The following DKK2 variants were observed in gnomAD, a reference collection of about 807,000 sequenced individuals.
DKK2 encodes dickkopf Wnt signaling pathway inhibitor 2, also known as dickkopf-related protein 2.
DKK2 carries 11 observed loss-of-function variants against 28.1 expected under a neutral mutation model. The observed-to-expected ratio is 0.39, with a 90% CI of 0.25 to 0.65. The LOEUF is 0.65. Among genes scored for constraint, DKK2 ranks in the 30% least tolerant of loss-of-function variants. The pLI is 0.47. For synonymous variants in DKK2, 135 were observed against 126.5 expected, an observed-to-expected ratio of 1.07 and a Z score of -0.45; for missense variants, 326 against 335.5, an observed-to-expected ratio of 0.97 and a Z score of 0.22.
chr4:106,924,505 C>T, intron 3 of DKK2, 40 bp downstream of exon 3: 1 of 1,581,274 alleles, frequency 6.3e-7, no homozygotes, highest in Non-Finnish European at 8.6e-7. Context: ...TCTTCTATTT[C>T]TTTATTTTAA....
At chr4:106,962,908 G>GA (rs961487177) in intron 1 of DKK2, among the ~76,000 whole-genome samples, 2 of 151,306 alleles carry the variant, frequency 1.3e-5, no homozygotes, top group South Asian at 2.1e-4. Flanking sequence ...CAACTCAATA[G>GA]AAAAAAAATA....
chr4:106,986,425 A>AAC (rs2110360191), intron 1 of DKK2, among the ~76,000 whole-genome samples: 1 of 152,350 alleles, frequency 6.6e-6, no homozygotes, highest in South Asian at 2.1e-4. Flanking sequence ...AGCAGAAGTT[A>AAC]AAAAGATATA....
chr4:107,027,751 T>C (rs1461391368), intron 1 of DKK2, among the ~76,000 whole-genome samples: 2 of 145,628 alleles, frequency 1.4e-5, no homozygotes, highest in African/African-American at 2.5e-5. Flanking sequence ...CCTCCACCTA[T>C]TATGATTTTT....
intron 1 of DKK2, among the ~76,000 whole-genome samples, chr4:106,957,052 A>G (rs1056702413): frequency 2.6e-5 from 4 of 151,866 alleles, no homozygotes; most frequent in African/African-American, 9.7e-5. Context: ...AAACAAATTT[A>G]CAAGAAAAAA....
chr4:106,957,070 AC>A (rs1263293672), intron 1 of DKK2, among the ~76,000 whole-genome samples: 5 of 151,938 alleles, frequency 3.3e-5, no homozygotes, highest in Admixed American at 6.6e-5. Flanking sequence ...AAAACAAACA[AC>A]CCCATCAAAA....
intron 1 of DKK2, among the ~76,000 whole-genome samples, chr4:107,032,411 T>C (rs1406388683): frequency 1.3e-5 from 2 of 152,102 alleles, no homozygotes; most frequent in Non-Finnish European, 2.9e-5. Context: ...ACAAGTAGAA[T>C]TCCTGTAAAT....
intron 1 of DKK2, among the ~76,000 whole-genome samples, chr4:107,032,792 C>T (rs1396803362): frequency 2.0e-5 from 3 of 152,116 alleles, no homozygotes; most frequent in Non-Finnish European, 4.4e-5. Context: ...GATTAGTTGA[C>T]ACATTAATTC....
chr4:106,938,782 C>G (rs928062850), intron 1 of DKK2, among the ~76,000 whole-genome samples: 6 of 151,744 alleles, frequency 4.0e-5, no homozygotes, highest in African/African-American at 1.5e-4. Flanking sequence ...TGGGCTTCAT[C>G]CCTGGGATGC....
intron 1 of DKK2, among the ~76,000 whole-genome samples, chr4:107,023,643 A>G (rs1479135324): frequency 6.6e-6 from 1 of 152,148 alleles, no homozygotes; most frequent in East Asian, 1.9e-4. Context: ...TATTAATAAT[A>G]ATGTATCAAC....
intron 1 of DKK2, among the ~76,000 whole-genome samples, chr4:106,965,722 T>A (rs1246777830): frequency 1.4e-5 from 2 of 146,660 alleles, no homozygotes; most frequent in Non-Finnish European, 3.0e-5. Flanking sequence ...ATTAGGTATA[T>A]CTCCCAATGC....
chr4:106,983,337 G>GAAGAAAGAAAGAGAGA (rs1723059991), intron 1 of DKK2, among the ~76,000 whole-genome samples: 1 of 120,432 alleles, frequency 8.3e-6, no homozygotes, highest in African/African-American at 3.2e-5. Context: ...AGGAAGAAAG[G>GAAGAAAGAAAGAGAGA]AAGAAAGAAA....
intron 1 of DKK2, among the ~76,000 whole-genome samples, chr4:106,983,057 AAAAG>A (rs932669981): frequency 1.1e-4 from 17 of 151,358 alleles, no homozygotes; most frequent in East Asian, 3.9e-4. Flanking sequence ...AAAGAAAGAG[AAAAG>A]AAAGAAAGAA....
intron 1 of DKK2, among the ~76,000 whole-genome samples, chr4:106,956,479 T>A (rs1011089712): frequency 6.6e-6 from 1 of 152,206 alleles, no homozygotes; most frequent in African/African-American, 2.4e-5. Flanking sequence ...GCTGGAGGCA[T>A]CACACTACCT....
At chr4:107,000,702 A>G (rs994092787) in intron 1 of DKK2, among the ~76,000 whole-genome samples, 31 of 152,218 alleles carry the variant, frequency 2.0e-4, no homozygotes, top group African/African-American at 7.2e-4. Context: ...AAGAACAAAT[A>G]CCTATGGTCC....
rs897210321 is a variant in DKK2 at position 106,921,948 on chromosome 4, C to G, written c.*2006G>C. 3 of 152,472 alleles carry G rather than the reference C, an allele frequency of 2.0e-5. No individual in the cohort carries two copies. The highest frequency in any genetic ancestry group is 7.2e-5 in the African/African-American group (3 of 41,404). The allele number at this position is 152,472 out of a possible 1,614,324, so 9.4% of individuals were successfully genotyped here. A position where few individuals can be genotyped will look rare whatever the true frequency, so the allele number is the denominator to read the frequency against. On this transcript the variant is annotated 3_prime_UTR_variant, in exon 4 of 4. Coordinates refer to ENST00000285311, the MANE Select transcript of DKK2 (RefSeq NM_014421.3). The stretch of plus-strand genomic sequence containing the variant: ...AAGAAAATACATCTCATTAACATTT[C>G]CTGTAAATAAATTACTTCAAATAAT...
intron 1 of DKK2, among the ~76,000 whole-genome samples, chr4:107,006,159 G>A (rs1560590501): frequency 6.6e-6 from 1 of 152,194 alleles, no homozygotes; most frequent in Non-Finnish European, 1.5e-5. Context: ...GAGCTAGAAG[G>A]TAAATGTTGG....
In DKK2 at chr4:106,938,655, C is replaced by A. The variant is rs556875587; in HGVS notation, c.223-12706G>T. On this transcript the variant is annotated intron_variant, in intron 1 of 3. Transcript: ENST00000285311. ...ATACCAAAGCCAGGCAGAGACACAACAAAAAAATAGAATTTTAGACCAATA... is the reference window on the plus strand; with the variant it reads ...ATACCAAAGCCAGGCAGAGACACAAAAAAAAAATAGAATTTTAGACCAATA... Among the ~76,000 whole-genome samples, 518 of 152,046 alleles carry A rather than the reference C, an allele frequency of 3.4e-3. 1 individual carries two copies. The highest frequency in any genetic ancestry group is 5.4e-3 in the Non-Finnish European group (366 of 67,948).
chr4:107,012,107 G>A (rs192332436), intron 1 of DKK2, among the ~76,000 whole-genome samples: 52 of 151,348 alleles, frequency 3.4e-4, no homozygotes, highest in Middle Eastern at 3.4e-3. Flanking sequence ...CACCCTCCAT[G>A]TGTTACAAGC....
Position 106,982,473 on chromosome 4 carries a change from G to A in DKK2, c.222+52897C>T, listed in dbSNP as rs549744595. Among the ~76,000 whole-genome samples, 152 of 152,196 alleles carry A rather than the reference G, an allele frequency of 1.0e-3. 1 individual carries two copies. The highest frequency in any genetic ancestry group is 9.9e-4 in the Non-Finnish European group (67 of 68,006). On this transcript the variant is annotated intron_variant, in intron 1 of 3. Coordinates refer to ENST00000285311, the MANE Select transcript of DKK2 (RefSeq NM_014421.3). ...CCGGGCTGCTAGTGCTGGGTACCTCGTATAACAGGGAGGGCTGATATTATT... is the reference window on the plus strand; with the variant it reads ...CCGGGCTGCTAGTGCTGGGTACCTCATATAACAGGGAGGGCTGATATTATT...
Sources: allele counts gnomAD v4.1 joint callset (sites outside exome capture counted in the v4.1 genomes callset), GRCh38; gene constraint gnomAD v4.1.1; transcripts MANE v1.5; gene names NCBI Gene and HGNC (gene_info 2026-07-23, HGNC 2026-07-21).